Variants in KAZN observed in about 807,000 individuals in gnomAD.
KAZN encodes the protein kazrin, periplakin interacting protein.
KAZN carries 40 observed loss-of-function variants against 87.4 expected under a neutral mutation model. That is an observed-to-expected ratio of 0.46 (90% CI 0.36 to 0.60). The LOEUF is 0.60. KAZN is among the 20% of genes least tolerant of loss of function. The probability of loss-of-function intolerance (pLI) is 0.00; values close to 1 mark genes in which losing one functional copy is unlikely to be tolerated. For missense variants in KAZN, 898 were observed against 1,073.9 expected, an observed-to-expected ratio of 0.84 and a Z score of 2.29; for synonymous variants, 466 against 458.3, an observed-to-expected ratio of 1.02 and a Z score of -0.22.
At chr1:14,416,832 G>C (rs920808486) in intron 2 of KAZN, among the ~76,000 whole-genome samples, 1 of 152,046 alleles carries the variant, frequency 6.6e-6, no homozygotes, top group Non-Finnish European at 1.5e-5. Context: ...GCCCATGCTT[G>C]TAATTCCAGC....
At chr1:15,043,921 A>G in intron 3 of KAZN, 68 bp from the exon 4 acceptor site, 1 of 1,475,610 alleles carries the variant, frequency 6.8e-7, no homozygotes, top group Non-Finnish European at 9.1e-7. Context: ...GGCCCCCTCT[A>G]GGCATCCCTG....
chr1:14,514,529 A>ATATATTTTTTATATATAATATAT (rs1557770225), intron 2 of KAZN, among the ~76,000 whole-genome samples: 1 of 17,176 alleles, frequency 5.8e-5, no homozygotes, highest in Non-Finnish European at 1.2e-4. Flanking sequence ...TATATATTTT[A>ATATATTTTTTATATATAATATAT]GATATATTTT....
At chr1:14,736,954 C>T (rs1420710407) in intron 1 of KAZN, among the ~76,000 whole-genome samples, 1 of 152,066 alleles carries the variant, frequency 6.6e-6, no homozygotes, top group Non-Finnish European at 1.5e-5. Context: ...AATCCTTGAC[C>T]TGAGAGAGCC....
intron 13 of KAZN, among the ~76,000 whole-genome samples, chr1:15,106,406 T>C (rs1187710929): frequency 1.3e-5 from 2 of 152,186 alleles, no homozygotes; most frequent in Admixed American, 6.5e-5. Context: ...ACATGATCTG[T>C]AACAAACTTT....
chr1:13,898,662 G>A (rs10927950), intron 1 of KAZN, among the ~76,000 whole-genome samples: 13,649 of 152,224 alleles, frequency 0.09, 892 homozygotes, highest in East Asian at 0.37. Context: ...CAGCTCTGAT[G>A]CCACCTGCAA....
chr1:14,550,703 T>TTTTC (rs1673444143), intron 2 of KAZN, among the ~76,000 whole-genome samples: 1 of 38,590 alleles, frequency 2.6e-5, no homozygotes, highest in Non-Finnish European at 5.1e-5. Flanking sequence ...CTCTCCTCTT[T>TTTTC]TCTCTCTCTC....
intron 2 of KAZN, among the ~76,000 whole-genome samples, chr1:14,412,413 T>C (rs1437204610): frequency 6.6e-6 from 1 of 152,142 alleles, no homozygotes; most frequent in East Asian, 1.9e-4. Flanking sequence ...AGAATTGACA[T>C]ACAAACTGAT....
At chr1:14,298,336 TG>T (rs1174618507) in intron 2 of KAZN, among the ~76,000 whole-genome samples, 10 of 152,224 alleles carry the variant, frequency 6.6e-5, no homozygotes, top group African/African-American at 2.4e-4. Context: ...TTGTCATTCA[TG>T]AAATCACCCC....
chr1:14,333,793 A>T (rs113646125), intron 2 of KAZN, among the ~76,000 whole-genome samples: 4,586 of 152,000 alleles, frequency 0.03, 249 homozygotes, highest in African/African-American at 0.11. Context: ...TTGAACAGAG[A>T]TTTGAAGAGG....
In KAZN at chr1:15,112,450, A is replaced by G. The variant is rs747633322; in HGVS notation, c.2072A>G (p.Glu691Gly). 1 of 1,604,168 alleles carries G rather than the reference A, an allele frequency of 6.2e-7. No individual in the cohort carries two copies. Among genetic ancestry groups the G allele is most frequent in the Non-Finnish European group, 8.5e-7 (1 of 1,176,000 alleles). The change falls in exon 14 of 15, where the codon GAG (glutamate) becomes GGG (glycine). Residue 691 changes from glutamate to glycine, a missense_variant. Physicochemically the swap from Glu to Gly is moderately conservative, Grantham distance 98. This residue lies in a region of KAZN where 127 missense variants were observed against 121.5 expected (regional missense o/e 1.04). Transcript: ENST00000376030. The part of the protein sequence containing the change: ...PANSTGIREA[E>G]RFGTPPGRAS... ...AGCTCCACAGGCATCCGGGAGGCTGAGCGTTTTGGAACGCCCCCTGGCAGG... is the reference window on the plus strand; with the variant it reads ...AGCTCCACAGGCATCCGGGAGGCTGGGCGTTTTGGAACGCCCCCTGGCAGG...
intron 2 of KAZN, among the ~76,000 whole-genome samples, chr1:14,433,514 G>A (rs769971036): frequency 6.6e-6 from 1 of 152,158 alleles, no homozygotes; most frequent in African/African-American, 2.4e-5. Context: ...ATTCGGGTTA[G>A]AGGAAGTCAC....
intron 2 of KAZN, among the ~76,000 whole-genome samples, chr1:14,526,923 G>C (rs189604891): frequency 6.6e-6 from 1 of 152,222 alleles, no homozygotes; most frequent in Admixed American, 6.5e-5. Flanking sequence ...ATAGTGCGGA[G>C]TTCTTGCTAA....
chr1:14,380,146 G>A (rs188140224), intron 2 of KAZN, among the ~76,000 whole-genome samples: 48 of 152,348 alleles, frequency 3.2e-4, no homozygotes, highest in African/African-American at 1.1e-3. Context: ...GAGGCTGCAA[G>A]AAGCACATCA....
chr1:14,639,919 G>A (rs1466675023), intron 1 of KAZN, among the ~76,000 whole-genome samples: 1 of 152,062 alleles, frequency 6.6e-6, no homozygotes, highest in East Asian at 1.9e-4. Context: ...CCACTTTCCC[G>A]TACCTAAGAG....
At chr1:14,697,159 A>AAAAAAAG (rs1557897126) in intron 1 of KAZN, among the ~76,000 whole-genome samples, 1 of 135,072 alleles carries the variant, frequency 7.4e-6, no homozygotes, top group Non-Finnish European at 1.6e-5. Flanking sequence ...AAAAAAAAAG[A>AAAAAAAG]AAAGAAAAGA....
chr1:14,943,132 G>T (rs1303580546), intron 1 of KAZN, among the ~76,000 whole-genome samples: 2 of 150,594 alleles, frequency 1.3e-5, no homozygotes, highest in East Asian at 3.9e-4. Context: ...CCTTAGAGGC[G>T]GCATGCAGAG....
chr1:13,919,120 C>T (rs11801184), intron 1 of KAZN, among the ~76,000 whole-genome samples: 41 of 152,348 alleles, frequency 2.7e-4, no homozygotes, highest in African/African-American at 8.4e-4. Context: ...TGAGTTATCA[C>T]AAGTGAATAC....
chr1:14,053,217 G>C (rs968752142), intron 1 of KAZN, among the ~76,000 whole-genome samples: 4 of 152,224 alleles, frequency 2.6e-5, no homozygotes, highest in African/African-American at 9.6e-5. Context: ...AGAGCCAGTG[G>C]GCAGGCCCAC....
intron 1 of KAZN, among the ~76,000 whole-genome samples, chr1:14,786,246 A>G (rs1020369001): frequency 2.6e-5 from 4 of 152,222 alleles, no homozygotes; most frequent in Non-Finnish European, 4.4e-5. Context: ...GCACTGCAGT[A>G]CTGGCTACTA....
Sources: allele counts gnomAD v4.1 joint callset (sites outside exome capture counted in the v4.1 genomes callset), GRCh38; gene constraint gnomAD v4.1.1; regional missense constraint gnomAD v4.1.1; transcripts MANE v1.5; gene names NCBI Gene and HGNC (gene_info 2026-07-23, HGNC 2026-07-21).